The following SEMA3C variants were observed in gnomAD, a reference collection of about 807,000 sequenced individuals.
SEMA3C encodes the protein semaphorin 3C.
Under a neutral mutation model 89.4 loss-of-function variants are expected in SEMA3C, and 47 were observed. The ratio of observed to expected loss-of-function variants is 0.53; its 90% CI spans 0.42 to 0.67. The LOEUF is 0.67. Ranked by LOEUF, SEMA3C falls within the 30% of genes least tolerant of loss-of-function variation. The pLI is 0.00. For missense variants in SEMA3C, 839 were observed against 929.1 expected (o/e 0.90, Z 1.26); for synonymous variants, 310 against 320.2 (o/e 0.97, Z 0.34).
At chr7:80,757,895 G>A (rs1239547606) in intron 15 of SEMA3C, among the ~76,000 whole-genome samples, 2 of 152,168 alleles carry the variant, frequency 1.3e-5, no homozygotes, top group Non-Finnish European at 2.9e-5. Context: ...GAACCCAGGA[G>A]GCAGAGGTTG....
At chr7:80,864,590 G>T (rs1790882360) in intron 2 of SEMA3C, among the ~76,000 whole-genome samples, 1 of 151,608 alleles carries the variant, frequency 6.6e-6, no homozygotes, top group African/African-American at 2.4e-5. Context: ...AAAAACAAAA[G>T]CCCCTCACCA....
intron 6 of SEMA3C, among the ~76,000 whole-genome samples, chr7:80,809,984 T>C (rs368887142): frequency 7.9e-4 from 120 of 152,192 alleles, no homozygotes; most frequent in African/African-American, 2.7e-3. Flanking sequence ...AAAAAAGATG[T>C]TTATCCAAGG....
intron 2 of SEMA3C, among the ~76,000 whole-genome samples, chr7:80,857,122 T>C (rs1167447516): frequency 6.6e-6 from 1 of 152,174 alleles, no homozygotes; most frequent in African/African-American, 2.4e-5. Flanking sequence ...TCTCATGACC[T>C]CCACCTTTGC....
At chr7:80,836,787 A>T (rs1488406069) in intron 2 of SEMA3C, among the ~76,000 whole-genome samples, 1 of 152,200 alleles carries the variant, frequency 6.6e-6, no homozygotes, top group African/African-American at 2.4e-5. Context: ...GCAAATGCAC[A>T]GGTGTCTTGA....
intron 15 of SEMA3C, among the ~76,000 whole-genome samples, chr7:80,756,929 CTTAT>C (rs992406794): frequency 2.0e-5 from 3 of 152,082 alleles, no homozygotes; most frequent in African/African-American, 7.2e-5. Context: ...AGAGGTTTTC[CTTAT>C]TTATTTATTA....
intron 2 of SEMA3C, among the ~76,000 whole-genome samples, chr7:80,864,042 T>C (rs1055861105): frequency 6.6e-6 from 1 of 151,660 alleles, no homozygotes. Flanking sequence ...TATATATAAA[T>C]GACAGACTAC....
In SEMA3C at chr7:80,891,528, AAAAAAAAGTAAGGAAAAAC is replaced by A. The variant is rs936051291; in HGVS notation, c.103+25132_103+25150del. Among the ~76,000 whole-genome samples, 36 of 152,300 alleles carry A rather than the reference AAAAAAAAGTAAGGAAAAAC, an allele frequency of 2.4e-4. 1 individual carries two copies. The highest frequency in any genetic ancestry group is 2.1e-4 in the South Asian group (1 of 4,826). On this transcript the variant is annotated intron_variant, in intron 2 of 17. Transcript: ENST00000265361. The stretch of plus-strand genomic sequence containing the variant: ...GGGATAGGAATCAGAATGGTAACAA[AAAAAAAAGTAAGGAAAAAC>A]AAGAAGACATACATGCCCTTTCTTT...
At chr7:80,799,526 A>G (rs1475547353) in intron 10 of SEMA3C, among the ~76,000 whole-genome samples, 1 of 152,126 alleles carries the variant, frequency 6.6e-6, no homozygotes, top group African/African-American at 2.4e-5. Context: ...TAATTTTCAA[A>G]TACATAAAAT....
At chr7:80,749,742 G>A (rs1787883118) in intron 16 of SEMA3C, among the ~76,000 whole-genome samples, 1 of 152,100 alleles carries the variant, frequency 6.6e-6, no homozygotes, top group Non-Finnish European at 1.5e-5. Flanking sequence ...ATTGCCAGGT[G>A]GTAGCTTAGA....
Position 80,855,191 on chromosome 7 carries a change from A to G in SEMA3C, c.104-26446T>C, listed in dbSNP as rs557913549. 3.0e-4 allele frequency among the ~76,000 whole-genome samples: 45 copies of G among 152,322 alleles called. 1 individual carries two copies. The South Asian group carries it at 9.3e-3, about 32-fold the overall frequency. ...GGAACATATTTTAAAGTGAAAGGAG[A>G]AAGCTAGCAGTAATTACTTCAGGAC... On this transcript the variant is annotated intron_variant, in intron 2 of 17. Transcript: ENST00000265361.
At position 80,751,269 on chromosome 7, in the gene SEMA3C, C is replaced by G; in HGVS notation, c.1711G>C (p.Ala571Pro). ...LTQCRGFNLK[A>P]YRNAAEIVQY... ...ATTGGCCATTGCTCACTTTTAATAC[C>G]TTTTAGATTAAATCCTCTGCATTGA... is the stretch of plus-strand genomic sequence containing the variant. Residue 571 changes from alanine (A) to proline (P), a missense_variant and splice_region_variant, in exon 16 of 18, where the codon GCA (alanine) becomes CCA (proline). Ala to Pro is a conservative substitution (Grantham distance 27). Coordinates refer to ENST00000265361, the MANE Select transcript of SEMA3C (RefSeq NM_006379.5). 6.2e-7 allele frequency: 1 copy of G among 1,613,522 alleles called. No individual in the cohort carries two copies. Among genetic ancestry groups the G allele is most frequent in the Non-Finnish European group, 8.5e-7 (1 of 1,179,570 alleles).
rs189856706 is a variant in SEMA3C, at chr7:80,745,661, G to T, written c.1843-354C>A. ...GGAATCACAGTCAATATCTGTAAAT[G>T]AAACTCATAGATACTTTAAAATATC... On this transcript the variant is annotated intron_variant, in intron 17 of 17. Coordinates refer to ENST00000265361, the MANE Select transcript of SEMA3C (RefSeq NM_006379.5). 3.8e-3 allele frequency among the ~76,000 whole-genome samples: 573 copies of T among 152,130 alleles called. 4 individuals are homozygous for T. The highest frequency in any genetic ancestry group is 0.013 in the African/African-American group (546 of 41,520).
intron 2 of SEMA3C, among the ~76,000 whole-genome samples, chr7:80,855,043 C>T (rs915876191): frequency 1.3e-5 from 2 of 152,052 alleles, no homozygotes; most frequent in Non-Finnish European, 2.9e-5. Flanking sequence ...GAATAATATA[C>T]AATATAATAA....
intron 2 of SEMA3C, among the ~76,000 whole-genome samples, chr7:80,834,409 A>G (rs949291649): frequency 2.0e-5 from 3 of 152,200 alleles, no homozygotes; most frequent in Non-Finnish European, 4.4e-5. Flanking sequence ...AGCTGGAAGA[A>G]CAATAGGTTT....
At chr7:80,778,950 G>A (rs991948277) in intron 12 of SEMA3C, among the ~76,000 whole-genome samples, 3 of 152,064 alleles carry the variant, frequency 2.0e-5, no homozygotes, top group African/African-American at 7.2e-5. Flanking sequence ...AGCTCCAAGA[G>A]TTAAATTCCT....
intron 2 of SEMA3C, among the ~76,000 whole-genome samples, chr7:80,860,038 G>T (rs944196840): frequency 6.6e-6 from 1 of 151,752 alleles, no homozygotes; most frequent in Non-Finnish European, 1.5e-5. Context: ...ACTATAGAAC[G>T]ACCACTTAGC....
chr7:80,887,064 T>G (rs1286454785), intron 2 of SEMA3C, among the ~76,000 whole-genome samples: 1 of 152,154 alleles, frequency 6.6e-6, no homozygotes, highest in Non-Finnish European at 1.5e-5. Context: ...CATACACATA[T>G]AGTTACCAGG....
intron 10 of SEMA3C, 65 bp downstream of exon 10, chr7:80,800,692 A>G: frequency 1.0e-6 from 1 of 973,308 alleles, no homozygotes; most frequent in South Asian, 1.5e-5. Context: ...ATGCTTTTAT[A>G]ATAATTACTG....
chr7:80,899,473 T>C (rs376490611), intron 2 of SEMA3C, among the ~76,000 whole-genome samples: 1 of 152,242 alleles, frequency 6.6e-6, no homozygotes, highest in Admixed American at 6.5e-5. Context: ...GACTTTAACT[T>C]TTTTCTAATT....
Sources: gnomAD v4.1 joint callset for allele counts (sites outside exome capture counted in the v4.1 genomes callset) on GRCh38, gnomAD v4.1.1 for gene constraint, MANE v1.5 for transcripts, NCBI Gene and HGNC (gene_info 2026-07-23, HGNC 2026-07-21) for gene names.